The following TRIM14 variants were observed in gnomAD, a reference collection of about 807,000 sequenced individuals.
The protein encoded by TRIM14 is tripartite motif containing 14.
Under a neutral mutation model 44.5 loss-of-function variants are expected in TRIM14, and 28 were observed. The ratio of observed to expected loss-of-function variants is 0.63; its 90% CI spans 0.47 to 0.86. The LOEUF is 0.86. Ranked by LOEUF, TRIM14 falls within the 40% of genes least tolerant of loss-of-function variation. The pLI is 0.00. For missense variants in TRIM14, 607 were observed against 611.1 expected (o/e 0.99, Z 0.07); for synonymous variants, 299 against 269.2 (o/e 1.11, Z -1.08).
chr9:98,096,235 C>T (rs1826181302), intron 3 of TRIM14, among the ~76,000 whole-genome samples: 1 of 152,142 alleles, frequency 6.6e-6, no homozygotes, highest in Non-Finnish European at 1.5e-5. Context: ...TGTGAGATGG[C>T]CTGCAAGCCC....
At chr9:98,080,166 A>T (rs1829788698), downstream of TRIM14, among the ~76,000 whole-genome samples, 2 of 152,252 alleles carry the variant, frequency 1.3e-5, no homozygotes, top group Non-Finnish European at 1.5e-5. Flanking sequence ...GTGAGCTGAG[A>T]TCACGCCATT....
chr9:98,071,918 A>G (rs529127211), intron 6 of TRIM14, among the ~76,000 whole-genome samples: 2 of 152,328 alleles, frequency 1.3e-5, no homozygotes, highest in African/African-American at 2.4e-5. Flanking sequence ...AGGCGGAGTC[A>G]CTTCTTTAGG....
At chr9:98,112,274 A>T (rs1306629756) in intron 1 of TRIM14, among the ~76,000 whole-genome samples, 1 of 152,238 alleles carries the variant, frequency 6.6e-6, no homozygotes, top group Non-Finnish European at 1.5e-5. Context: ...GTATAAAGTC[A>T]GATGTGTTTT....
At position 98,110,848 on chromosome 9, in the gene TRIM14, AAAAATAAAAT is replaced by A. The variant is rs58660734; in HGVS notation, c.208-874_208-865del. Reference sequence around the variant, plus strand: ...ATAGTGAGACTCTGCCTCTACCACAAAAAATAAAATAAAATAAAATAAAATAAAATAAAAT... The same window carrying A: ...ATAGTGAGACTCTGCCTCTACCACAAAAAATAAAATAAAATAAAATAAAAT... On this transcript the variant is annotated intron_variant, in intron 1 of 5. Coordinates refer to ENST00000341469, the MANE Select transcript of TRIM14 (RefSeq NM_014788.4). Among the ~76,000 whole-genome samples the A allele has an allele frequency of 1.4e-3, 178 of 130,586 alleles. 1 individual carries two copies. Among genetic ancestry groups the A allele is most frequent in the Middle Eastern group, 3.7e-3 (1 of 272 alleles). 85.7% of individuals were successfully genotyped at this position (130,586 alleles called of 152,430 possible).
intron 6 of TRIM14, among the ~76,000 whole-genome samples, chr9:98,074,366 G>A (rs1351911350): frequency 1.3e-5 from 2 of 152,160 alleles, no homozygotes; most frequent in African/African-American, 4.8e-5. Context: ...ACCCCAGATA[G>A]AGGGAACCCG....
intron 6 of TRIM14, chr9:98,078,174 T>C (rs1564164336): frequency 1.2e-6 from 2 of 1,614,150 alleles, no homozygotes; most frequent in South Asian, 2.2e-5. Context: ...GCTGATGGTG[T>C]TGGTGCTGGA....
At chr9:98,083,048 A>G (rs749586428), downstream of TRIM14, 28 of 1,614,100 alleles carry the variant, frequency 1.7e-5, no homozygotes, top group Non-Finnish European at 2.4e-5. Flanking sequence ...AAAAAAATCA[A>G]GTCTTAAAAA....
At chr9:98,070,290 G>A (rs1829282763) in intron 6 of TRIM14, among the ~76,000 whole-genome samples, 1 of 151,782 alleles carries the variant, frequency 6.6e-6, no homozygotes, top group Admixed American at 6.6e-5. Context: ...GCTAATTTTT[G>A]TATTTTTAGT....
chr9:98,065,504 TTTTTTTG>T, downstream of TRIM14, among the ~76,000 whole-genome samples: 1 of 137,148 alleles, frequency 7.3e-6, no homozygotes, highest in African/African-American at 2.8e-5. Flanking sequence ...TTTTTTTTTT[TTTTTTTG>T]TATTTTTAGT....
chr9:98,067,028 G>A (rs932557530), downstream of TRIM14, among the ~76,000 whole-genome samples: 1 of 152,154 alleles, frequency 6.6e-6, no homozygotes, highest in Non-Finnish European at 1.5e-5. Flanking sequence ...GGTCCTTCGA[G>A]CCTGACTTCT....
At chr9:98,114,885 TA>T (rs2118693248) in intron 1 of TRIM14, among the ~76,000 whole-genome samples, 1 of 152,290 alleles carries the variant, frequency 6.6e-6, no homozygotes, top group Admixed American at 6.5e-5. Context: ...TGATAGAGGA[TA>T]AAAGTGATTT....
chr9:98,045,780 G>A, the TRIM14 span, among the ~76,000 whole-genome samples: 2,088 of 152,292 alleles, frequency 0.014, 48 homozygotes, highest in African/African-American at 0.048. Context: ...GAGTGATCAA[G>A]CAAGGTACCT....
downstream of TRIM14, among the ~76,000 whole-genome samples, chr9:98,083,448 T>G (rs1450989409): frequency 2.0e-5 from 3 of 152,230 alleles, no homozygotes; most frequent in African/African-American, 7.2e-5. Flanking sequence ...ACTTCTCCAT[T>G]GTCTTTATCC....
At chr9:98,048,324 G>A in the TRIM14 span, among the ~76,000 whole-genome samples, 1 of 152,214 alleles carries the variant, frequency 6.6e-6, no homozygotes, top group African/African-American at 2.4e-5. Flanking sequence ...TTAGGTCCTA[G>A]AAACTGCTTT....
the TRIM14 span, chr9:98,056,788 T>TTGGACCCAGACTGGTAGTGAGGCG: frequency 5.6e-5 from 90 of 1,607,616 alleles, 1 homozygote; most frequent in Middle Eastern, 1.9e-3. Context: ...GTAGTGAGGC[T>TTGGACCCAGACTGGTAGTGAGGCG]TTGGACCCCG....
At chr9:98,054,158 G>A in the TRIM14 span, among the ~76,000 whole-genome samples, 2 of 152,172 alleles carry the variant, frequency 1.3e-5, no homozygotes, top group East Asian at 3.9e-4. Context: ...AGAGCTCACT[G>A]AATGTGACCA....
rs1028656656 is a variant in TRIM14 at position 98,084,842 on chromosome 9, G to A, written c.*2628C>T. On this transcript the variant is annotated 3_prime_UTR_variant, in exon 6 of 6. Coordinates refer to ENST00000341469, the MANE Select transcript of TRIM14 (RefSeq NM_014788.4). ...GCACCACCACGCCCAGCTAATTTTTGTATAGGACTATAGTTTTAAGGCAAG... is the reference window on the plus strand; with the variant it reads ...GCACCACCACGCCCAGCTAATTTTTATATAGGACTATAGTTTTAAGGCAAG... 6.6e-6 allele frequency: 1 copy of A among 152,026 alleles called. No individual in the cohort carries two copies. Among genetic ancestry groups the A allele is most frequent in the African/African-American group, 2.4e-5 (1 of 41,358 alleles). 9.4% of individuals were successfully genotyped at this position (152,026 alleles called of 1,614,324 possible).
chr9:98,102,078 A>T (rs1306740451), intron 2 of TRIM14, among the ~76,000 whole-genome samples: 1 of 152,012 alleles, frequency 6.6e-6, no homozygotes, highest in East Asian at 1.9e-4. Flanking sequence ...CAGAAACAAC[A>T]GCAGTGGGGA....
intron 6 of TRIM14, chr9:98,077,065 A>G (rs1262718448): frequency 7.3e-7 from 1 of 1,377,842 alleles, no homozygotes; most frequent in Non-Finnish European, 1.0e-6. Flanking sequence ...CCAAACCTTC[A>G]TATTTTTACT....
Sources: allele counts gnomAD v4.1 joint callset (sites outside exome capture counted in the v4.1 genomes callset), GRCh38; gene constraint gnomAD v4.1.1; transcripts MANE v1.5; gene names NCBI Gene and HGNC (gene_info 2026-07-23, HGNC 2026-07-21).